Variants in BUB1B observed in about 807,000 individuals in gnomAD.
The protein encoded by BUB1B is mitotic checkpoint serine/threonine-protein kinase BUB1 beta.
A neutral mutation model predicts 137.7 loss-of-function variants in BUB1B; 86 were observed. The ratio of observed to expected loss-of-function variants is 0.62; its 90% CI spans 0.52 to 0.75. The LOEUF is 0.75. Ranked by LOEUF, BUB1B falls within the 30% of genes least tolerant of loss-of-function variation. The pLI is 0.00. For synonymous variants in BUB1B, 420 were observed against 417.9 expected (o/e 1.00, Z -0.06); for missense variants, 1,130 against 1,236.9 (o/e 0.91, Z 1.30).
intron 22 of BUB1B, among the ~76,000 whole-genome samples, chr15:40,220,058 C>A (rs2037873274): frequency 6.6e-6 from 1 of 152,102 alleles, no homozygotes; most frequent in African/African-American, 2.4e-5. Flanking sequence ...TTCCTAACAG[C>A]CCTGCCTTAT....
intron 12 of BUB1B, among the ~76,000 whole-genome samples, chr15:40,201,861 G>T (rs1181056860): frequency 1.3e-5 from 2 of 151,722 alleles, no homozygotes; most frequent in Non-Finnish European, 2.9e-5. Context: ...AGTAGAGACG[G>T]GGTTTCATCA....
At chr15:40,169,845 T>G (rs2037141741) in intron 2 of BUB1B, among the ~76,000 whole-genome samples, 1 of 152,078 alleles carries the variant, frequency 6.6e-6, no homozygotes, top group Admixed American at 6.5e-5. Context: ...ACTTCTAACC[T>G]CAAGTGATCC....
chr15:40,190,203 C>A (rs889561153), intron 8 of BUB1B, among the ~76,000 whole-genome samples: 1 of 152,214 alleles, frequency 6.6e-6, no homozygotes, highest in East Asian at 1.9e-4. Context: ...GACAGCAAAA[C>A]TAACTTTTTT....
At chr15:40,209,277 C>T (rs141132521) in intron 16 of BUB1B, among the ~76,000 whole-genome samples, 12,111 of 152,168 alleles carry the variant, frequency 0.08, 1,570 homozygotes, top group African/African-American at 0.28. Flanking sequence ...AAAAATTAGC[C>T]GGGCATGGTG....
chr15:40,213,199 C>A (rs1469463052), intron 19 of BUB1B, 133 bp from the exon 20 acceptor site: 3 of 871,860 alleles, frequency 3.4e-6, no homozygotes, highest in African/African-American at 3.3e-5. Flanking sequence ...GGGACATAGA[C>A]TCAGTCTACA....
Position 40,196,514 on chromosome 15 carries a change from C to T in BUB1B, c.1059-31C>T. ...CTTATTGATTTTTTTTATTTTGACC[C>T]ATATGAATAATAGTAATTTTGCTTC... On this transcript the variant is annotated intron_variant, in intron 8 of 22. Coordinates refer to ENST00000287598, the MANE Select transcript of BUB1B (RefSeq NM_001211.6). 3 of 1,535,222 alleles carry T rather than the reference C, an allele frequency of 2.0e-6. No individual in the cohort carries two copies. In the Admixed American group the frequency reaches 5.0e-5, roughly 26 times the overall value.
At position 40,168,390 on chromosome 15, in the gene BUB1B, GAGAAA is replaced by G. The variant is rs749348232; in HGVS notation, c.180-1663_180-1659del. Among the ~76,000 whole-genome samples, 15 of 151,986 alleles carry G rather than the reference GAGAAA, an allele frequency of 9.9e-5. No homozygotes were observed. In the East Asian group the frequency reaches 2.5e-3, roughly 25 times the overall value. ...CTCAAAAAAAAAAGAAAAGGAAAAA[GAGAAA>G]AGAAAAGAGCCTACTGGGATTTTGA... is the stretch of plus-strand genomic sequence containing the variant. On this transcript the variant is annotated intron_variant, in intron 2 of 22. Coordinates refer to ENST00000287598, the MANE Select transcript of BUB1B (RefSeq NM_001211.6).
chr15:40,213,583 T>A, intron 20 of BUB1B, 109 bp downstream of exon 20: 2 of 1,186,362 alleles, frequency 1.7e-6, no homozygotes, highest in Non-Finnish European at 2.5e-6. Context: ...TCACCTAGGT[T>A]GGAGTACAGT....
chr15:40,215,070 C>CT (rs1278210554), intron 20 of BUB1B, among the ~76,000 whole-genome samples: 2 of 152,194 alleles, frequency 1.3e-5, no homozygotes, highest in African/African-American at 4.8e-5. Context: ...CTCTCAGCCA[C>CT]TAGAGGCTCT....
chr15:40,204,310 T>C lies in BUB1B; in HGVS notation c.1734+1616T>C, dbSNP rs2037610403. ...TGAAAAGACAGTGATGTAAGAGTAA[T>C]TAATTACATATTGTGTTCTGGAGTA... On this transcript the variant is annotated intron_variant, in intron 14 of 22. Coordinates refer to ENST00000287598, the MANE Select transcript of BUB1B (RefSeq NM_001211.6). Among the ~76,000 whole-genome samples, 3 of 152,184 alleles carry C rather than the reference T, an allele frequency of 2.0e-5. No individual in the cohort carries two copies. The South Asian group carries it at 6.2e-4, about 32-fold the overall frequency.
intron 5 of BUB1B, among the ~76,000 whole-genome samples, chr15:40,179,985 T>C (rs1351822834): frequency 6.7e-6 from 1 of 148,240 alleles, no homozygotes; most frequent in Non-Finnish European, 1.5e-5. Context: ...TATATATATA[T>C]ATATCTCTTA....
intron 20 of BUB1B, among the ~76,000 whole-genome samples, chr15:40,214,810 T>C (rs2140908930): frequency 6.6e-6 from 1 of 152,252 alleles, no homozygotes; most frequent in African/African-American, 2.4e-5. Context: ...TTCCAAGCAA[T>C]GCAGGATGTT....
intron 5 of BUB1B, among the ~76,000 whole-genome samples, chr15:40,178,475 A>G (rs928102585): frequency 7.9e-5 from 12 of 151,988 alleles, no homozygotes; most frequent in African/African-American, 2.9e-4. Flanking sequence ...TTGTTTTATC[A>G]CCCAGATTAT....
intron 5 of BUB1B, among the ~76,000 whole-genome samples, chr15:40,182,742 C>A (rs989161207): frequency 5.9e-5 from 9 of 152,228 alleles, no homozygotes; most frequent in African/African-American, 1.2e-4. Context: ...TATTCTTTGG[C>A]CTTCAGAGTC....
chr15:40,208,913 G>A (rs1566827319), intron 16 of BUB1B, 143 bp downstream of exon 16: 6 of 831,516 alleles, frequency 7.2e-6, no homozygotes, highest in Non-Finnish European at 9.8e-6. Flanking sequence ...AACTCACTGG[G>A]CTCAGGTGAT....
intron 4 of BUB1B, among the ~76,000 whole-genome samples, chr15:40,174,537 C>A (rs2037202540): frequency 6.6e-6 from 1 of 152,096 alleles, no homozygotes; most frequent in Non-Finnish European, 1.5e-5. Flanking sequence ...GAGAAAATTA[C>A]GAGTTCTATA....
chr15:40,187,784 CT>C (rs2037386035), intron 8 of BUB1B, among the ~76,000 whole-genome samples: 1 of 151,912 alleles, frequency 6.6e-6, no homozygotes, highest in Non-Finnish European at 1.5e-5. Flanking sequence ...TGGCTTGCAC[CT>C]GTGGTCCCAG....
chr15:40,172,913 G>C (rs1236733572), intron 4 of BUB1B, among the ~76,000 whole-genome samples: 1 of 152,156 alleles, frequency 6.6e-6, no homozygotes, highest in Admixed American at 6.5e-5. Context: ...TGTGGACCCT[G>C]GTGGTGTAAC....
rs536383122 is a variant in BUB1B at position 40,182,274 on chromosome 15, G to GT, written c.582-1434dup. On this transcript the variant is annotated intron_variant, in intron 5 of 22. Transcript: ENST00000287598. The stretch of plus-strand genomic sequence containing the variant: ...CATTTTATGTTTGCATTTGCTTATT[G>GT]TTTTTTCCTTTGAAAGTTGGTCACA... 8.5e-5 allele frequency among the ~76,000 whole-genome samples: 13 copies of GT among 152,238 alleles called. No homozygotes were observed. The East Asian group carries it at 1.9e-3, about 23-fold the overall frequency.
Sources: allele counts gnomAD v4.1 joint callset (sites outside exome capture counted in the v4.1 genomes callset), GRCh38; gene constraint gnomAD v4.1.1; transcripts MANE v1.5; gene names NCBI Gene and HGNC (gene_info 2026-07-23, HGNC 2026-07-21).